EDIL3: variants seen among roughly 807,000 people sequenced by gnomAD.
EDIL3 encodes the protein EGF like and discoidin domains 3.
In EDIL3, 37 loss-of-function variants were observed where a neutral mutation model predicts 67.4. The ratio of observed to expected loss-of-function variants is 0.55; its 90% confidence interval spans 0.42 to 0.72. The LOEUF (loss-of-function observed/expected upper bound fraction) is 0.72. EDIL3 is among the 30% of genes least tolerant of loss of function. EDIL3 has a pLI of 0.00. For synonymous variants in EDIL3, 195 were observed against 196.3 expected (o/e 0.99, Z 0.05); for missense variants, 527 against 586.3 (o/e 0.90, Z 1.04).
In EDIL3 at chr5:84,007,323, G is replaced by A. The variant is rs571684605; in HGVS notation, c.1138-43963C>T. Among the ~76,000 whole-genome samples the A allele has an allele frequency of 3.9e-5, 6 of 152,172 alleles. No individual in the cohort carries two copies. The South Asian group carries it at 8.3e-4, about 21-fold the overall frequency. ...CTGTACAGCAAAGGAAGCAATCAAC[G>A]AAGTGAAGAGACAACCCACAGAATG... On this transcript the variant is annotated intron_variant, in intron 9 of 10. Coordinates refer to ENST00000296591, the MANE Select transcript of EDIL3 (RefSeq NM_005711.5).
intron 1 of EDIL3, among the ~76,000 whole-genome samples, chr5:84,306,693 G>A (rs1243131145): frequency 6.6e-6 from 1 of 152,198 alleles, no homozygotes; most frequent in Non-Finnish European, 1.5e-5. Flanking sequence ...TTTGTGATAT[G>A]AAGATTGATA....
At position 84,208,418 on chromosome 5, in the gene EDIL3, G is replaced by A. The variant is rs550774080; in HGVS notation, c.226+21437C>T. Among the ~76,000 whole-genome samples, 1,056 of 152,058 alleles carry A rather than the reference G, an allele frequency of 6.9e-3. 10 individuals carry two copies. Among genetic ancestry groups the A allele is most frequent in the African/African-American group, 0.024 (985 of 41,498 alleles). Reference sequence around the variant, plus strand: ...AAACAGGCCAGGCGCGGTGGCTCACGCCTGTAATCCCAGCACTTTGGGAGG... The same window carrying A: ...AAACAGGCCAGGCGCGGTGGCTCACACCTGTAATCCCAGCACTTTGGGAGG... On this transcript the variant is annotated intron_variant, in intron 3 of 10. Coordinates refer to ENST00000296591, the MANE Select transcript of EDIL3 (RefSeq NM_005711.5).
rs367727165 is a variant in EDIL3, at chr5:84,029,782, C to T, written c.1137+30518G>A. Among the ~76,000 whole-genome samples the T allele has an allele frequency of 4.5e-4, 68 of 152,222 alleles. No homozygotes were observed. In the South Asian group the frequency reaches 0.011, roughly 25 times the overall value. On this transcript the variant is annotated intron_variant, in intron 9 of 10. Coordinates refer to ENST00000296591, the MANE Select transcript of EDIL3 (RefSeq NM_005711.5). ...GGACATCCTCACAGGGCACTCTACT[C>T]AAAATGATTAGAACATTTATGGAGC... is the stretch of plus-strand genomic sequence containing the variant.
At chr5:84,147,475 C>G (rs953585767) in intron 4 of EDIL3, among the ~76,000 whole-genome samples, 2 of 151,666 alleles carry the variant, frequency 1.3e-5, no homozygotes, top group African/African-American at 4.8e-5. Context: ...ATAGATAATA[C>G]CCAACTGATT....
chr5:84,170,511 T>C (rs1013179472), intron 4 of EDIL3, among the ~76,000 whole-genome samples: 2 of 152,186 alleles, frequency 1.3e-5, no homozygotes, highest in Non-Finnish European at 2.9e-5. Flanking sequence ...AAATAGTAAG[T>C]AAGCTCTCAT....
At chr5:84,229,069 T>C (rs1744508313) in intron 3 of EDIL3, among the ~76,000 whole-genome samples, 1 of 152,176 alleles carries the variant, frequency 6.6e-6, no homozygotes, top group South Asian at 2.1e-4. Flanking sequence ...TATTTTTTTT[T>C]CTGATGTTGC....
chr5:84,101,788 G>A (rs139326681), intron 6 of EDIL3, among the ~76,000 whole-genome samples: 2 of 151,976 alleles, frequency 1.3e-5, no homozygotes. Context: ...CCAAACAATC[G>A]AGGAAGAGGG....
At chr5:84,092,754 C>T (rs933294166) in intron 6 of EDIL3, among the ~76,000 whole-genome samples, 1 of 150,952 alleles carries the variant, frequency 6.6e-6, no homozygotes, top group African/African-American at 2.4e-5. Context: ...TAAAAATGTG[C>T]AAGAAGCTAA....
At chr5:84,182,198 G>T (rs1040106937) in intron 3 of EDIL3, among the ~76,000 whole-genome samples, 3 of 151,802 alleles carry the variant, frequency 2.0e-5, no homozygotes, top group Admixed American at 2.0e-4. Context: ...AGGCTGAGGC[G>T]GGCAGATTGC....
rs1276446934 is a variant in EDIL3, at chr5:84,371,478, AAGAG to A, written c.67+12826_67+12829del. ...AGAGAGAGAGAGAGAGAGAGAGAGA[AAGAG>A]AGAGAGAGAGAGAAAATAATTTCAA... On this transcript the variant is annotated intron_variant, in intron 1 of 10. Coordinates refer to ENST00000296591, the MANE Select transcript of EDIL3 (RefSeq NM_005711.5). 1.1e-3 allele frequency among the ~76,000 whole-genome samples: 129 copies of A among 114,226 alleles called. 1 individual carries two copies. The highest frequency in any genetic ancestry group is 4.0e-3 in the African/African-American group (124 of 31,028). The allele number at this position is 114,226 out of a possible 152,430, so 74.9% of individuals were successfully genotyped here. A position where few individuals can be genotyped will look rare whatever the true frequency, so the allele number is the denominator to read the frequency against.
intron 8 of EDIL3, among the ~76,000 whole-genome samples, chr5:84,063,931 A>G (rs1746588037): frequency 6.6e-6 from 1 of 152,208 alleles, no homozygotes; most frequent in African/African-American, 2.4e-5. Context: ...TACCAAAAAT[A>G]TAACAAGTGA....
intron 1 of EDIL3, among the ~76,000 whole-genome samples, chr5:84,333,154 G>C (rs1469191700): frequency 2.6e-5 from 4 of 152,192 alleles, no homozygotes; most frequent in Non-Finnish European, 5.9e-5. Context: ...ACTAAATACT[G>C]TTTCTATAGA....
At chr5:84,288,004 C>T (rs1045124798) in intron 1 of EDIL3, among the ~76,000 whole-genome samples, 1 of 152,064 alleles carries the variant, frequency 6.6e-6, no homozygotes, top group Non-Finnish European at 1.5e-5. Context: ...TTTGCTATAT[C>T]CCCTAAAAAC....
In EDIL3 at chr5:84,154,883, A is replaced by G. The variant is rs253161; in HGVS notation, c.356-17529T>C. 7.8e-3 allele frequency among the ~76,000 whole-genome samples: 1,182 copies of G among 151,896 alleles called. 7 individuals carry two copies. The highest frequency in any genetic ancestry group is 0.012 in the Non-Finnish European group (785 of 67,938). ...CCCAGCTAATTTTCGTATTTTTAGAAGAGACGGAGTTTCACCATGTTGACC... is the reference window on the plus strand; with the variant it reads ...CCCAGCTAATTTTCGTATTTTTAGAGGAGACGGAGTTTCACCATGTTGACC... On this transcript the variant is annotated intron_variant, in intron 4 of 10. Transcript: ENST00000296591.
At chr5:84,331,073 TTTC>T (rs1746861718) in intron 1 of EDIL3, among the ~76,000 whole-genome samples, 1 of 152,214 alleles carries the variant, frequency 6.6e-6, no homozygotes, top group Admixed American at 6.5e-5. Context: ...TTTTGGCCAA[TTTC>T]TCCTATTTGA....
At chr5:84,101,841 A>G (rs1293152514) in intron 6 of EDIL3, among the ~76,000 whole-genome samples, 1 of 151,998 alleles carries the variant, frequency 6.6e-6, no homozygotes, top group Non-Finnish European at 1.5e-5. Context: ...TCATCCTGAT[A>G]CCAAAACCAG....
chr5:84,257,153 T>C (rs1745136967), intron 1 of EDIL3, among the ~76,000 whole-genome samples: 1 of 152,212 alleles, frequency 6.6e-6, no homozygotes, highest in African/African-American at 2.4e-5. Context: ...CCCATCATTA[T>C]GGAGAGTGCC....
chr5:84,383,264 G>A (rs1007608230), intron 1 of EDIL3, among the ~76,000 whole-genome samples: 1 of 151,950 alleles, frequency 6.6e-6, no homozygotes, highest in East Asian at 1.9e-4. Context: ...GCTCCCACTC[G>A]CCTCCCCACA....
chr5:84,241,721 G>A (rs1744797158), intron 2 of EDIL3, among the ~76,000 whole-genome samples: 1 of 128,126 alleles, frequency 7.8e-6, no homozygotes, highest in African/African-American at 2.5e-5. Flanking sequence ...AAAATAATAA[G>A]TCAGTACTTA....
Sources: allele counts gnomAD v4.1 joint callset (sites outside exome capture counted in the v4.1 genomes callset), GRCh38; gene constraint gnomAD v4.1.1; transcripts MANE v1.5; gene names NCBI Gene and HGNC (gene_info 2026-07-23, HGNC 2026-07-21).